Variants in CADM2 observed in about 807,000 individuals in gnomAD.
CADM2 encodes cell adhesion molecule 2.
CADM2 carries 12 observed loss-of-function variants against 49.8 expected under a neutral mutation model. The ratio of observed to expected loss-of-function variants is 0.24; its 90% CI spans 0.15 to 0.39. The LOEUF (loss-of-function observed/expected upper bound fraction) is 0.39, where lower values mean the gene tolerates loss of function less well. CADM2 is among the 10% of genes least tolerant of loss of function. The pLI, the probability that CADM2 is intolerant of heterozygous loss-of-function variation, is 1.00. For missense variants in CADM2, 378 were observed against 492.3 expected (o/e 0.77, Z 2.20); for synonymous variants, 214 against 175.4 (o/e 1.22, Z -1.74).
intron 1 of CADM2, among the ~76,000 whole-genome samples, chr3:85,360,994 C>A (rs1345899819): frequency 2.0e-5 from 3 of 152,170 alleles, no homozygotes; most frequent in African/African-American, 7.2e-5. Context: ...CCCCAGCATA[C>A]AGTCTATCAT....
At chr3:85,977,724 C>T (rs536714706) in intron 8 of CADM2, among the ~76,000 whole-genome samples, 1 of 151,466 alleles carries the variant, frequency 6.6e-6, no homozygotes, top group Non-Finnish European at 1.5e-5. Context: ...AATGGTAGAT[C>T]GCACTCCAGG....
intron 6 of CADM2, among the ~76,000 whole-genome samples, chr3:85,915,648 A>G (rs1718193740): frequency 6.6e-6 from 1 of 152,132 alleles, no homozygotes; most frequent in Non-Finnish European, 1.5e-5. Context: ...TCTAGATTAT[A>G]TAGAACTTTC....
intron 2 of CADM2, among the ~76,000 whole-genome samples, chr3:85,746,188 G>T (rs2068613508): frequency 6.6e-6 from 1 of 152,138 alleles, no homozygotes; most frequent in African/African-American, 2.4e-5. Flanking sequence ...TGGCAATCCA[G>T]TAATAACATC....
chr3:85,852,746 TATC>T (rs2075157589), intron 3 of CADM2, among the ~76,000 whole-genome samples: 1 of 152,110 alleles, frequency 6.6e-6, no homozygotes, highest in African/African-American at 2.4e-5. Flanking sequence ...AAAATTTAAT[TATC>T]ATCATACTTT....
At chr3:85,389,851 A>C (rs1404865867) in intron 1 of CADM2, among the ~76,000 whole-genome samples, 1 of 152,130 alleles carries the variant, frequency 6.6e-6, no homozygotes, top group Admixed American at 6.6e-5. Context: ...GTACGTTGAC[A>C]ATAAATGCTT....
chr3:85,485,324 C>T (rs558409793), intron 1 of CADM2, among the ~76,000 whole-genome samples: 1 of 151,870 alleles, frequency 6.6e-6, no homozygotes, highest in Non-Finnish European at 1.5e-5. Flanking sequence ...GATATTCTGA[C>T]CCTCTAACAC....
chr3:85,291,863 G>A (rs1188848486), intron 1 of CADM2, among the ~76,000 whole-genome samples: 1 of 149,540 alleles, frequency 6.7e-6, no homozygotes, highest in South Asian at 2.1e-4. Context: ...ATCGAGACTA[G>A]GAAGAAACTG....
At chr3:86,063,116 A>G (rs1445584824) in intron 8 of CADM2, among the ~76,000 whole-genome samples, 1 of 152,128 alleles carries the variant, frequency 6.6e-6, no homozygotes, top group African/African-American at 2.4e-5. Context: ...CTTTACACAA[A>G]CCACTACCAC....
intron 3 of CADM2, among the ~76,000 whole-genome samples, chr3:85,855,067 T>A (rs2075256031): frequency 6.6e-6 from 1 of 152,110 alleles, no homozygotes; most frequent in African/African-American, 2.4e-5. Flanking sequence ...CAAGAGATTT[T>A]CAACTGATTT....
At chr3:85,672,256 G>GCA (rs1559583826) in intron 1 of CADM2, among the ~76,000 whole-genome samples, 1 of 139,612 alleles carries the variant, frequency 7.2e-6, no homozygotes, top group African/African-American at 2.6e-5. Context: ...GCAGTGGCAT[G>GCA]ATCTCTGCTC....
chr3:85,315,488 A>G (rs1192441451), intron 1 of CADM2, among the ~76,000 whole-genome samples: 1 of 152,194 alleles, frequency 6.6e-6, no homozygotes, highest in Non-Finnish European at 1.5e-5. Flanking sequence ...ATAGCAAAGT[A>G]TATGGTTTAA....
In CADM2 at chr3:85,802,245, A is replaced by G. The variant is rs1319710220; in HGVS notation, c.238+49A>G. On this transcript the variant is annotated intron_variant, in intron 3 of 9. Coordinates refer to ENST00000383699, the MANE Select transcript of CADM2 (RefSeq NM_001167675.2). ...TTTTAATCGTATTCTAAAATATCCT[A>G]ATTACAATAAATTTATTTTTCTGAG... is the stretch of plus-strand genomic sequence containing the variant. 2.0e-6 allele frequency: 3 copies of G among 1,463,484 alleles called. No homozygotes were observed. The Admixed American group carries it at 6.2e-5, about 30-fold the overall frequency. 90.7% of individuals were successfully genotyped at this position (1,463,484 alleles called of 1,614,324 possible).
At chr3:85,691,951 A>T (rs1417563254) in intron 1 of CADM2, among the ~76,000 whole-genome samples, 1 of 152,172 alleles carries the variant, frequency 6.6e-6, no homozygotes, top group East Asian at 1.9e-4. Flanking sequence ...CAGGAAGGGG[A>T]ACATCACACA....
intron 1 of CADM2, among the ~76,000 whole-genome samples, chr3:85,024,887 G>T (rs898749686): frequency 2.0e-5 from 3 of 151,760 alleles, no homozygotes; most frequent in African/African-American, 7.3e-5. Flanking sequence ...TTAAATTAAA[G>T]AAGCTTCTTA....
intron 1 of CADM2, among the ~76,000 whole-genome samples, chr3:85,518,840 T>G (rs889709467): frequency 6.6e-6 from 1 of 152,158 alleles, no homozygotes; most frequent in African/African-American, 2.4e-5. Context: ...GATCTTCAAT[T>G]TAGTCACCTC....
chr3:85,290,665 C>G (rs936093177), intron 1 of CADM2, among the ~76,000 whole-genome samples: 1 of 152,284 alleles, frequency 6.6e-6, no homozygotes, highest in Admixed American at 6.5e-5. Context: ...GGAGGCACCC[C>G]CAGCAGGGGC....
intron 1 of CADM2, among the ~76,000 whole-genome samples, chr3:85,324,882 C>A (rs576103125): frequency 6.6e-6 from 1 of 152,346 alleles, no homozygotes; most frequent in African/African-American, 2.4e-5. Context: ...GTGTCATAGT[C>A]TCATTCTCCA....
chr3:85,963,173 G>A (rs1465615559), intron 8 of CADM2, among the ~76,000 whole-genome samples: 1 of 151,836 alleles, frequency 6.6e-6, no homozygotes, highest in Non-Finnish European at 1.5e-5. Context: ...ATACTGCTTT[G>A]CTATGGTAAG....
chr3:85,734,230 C>G (rs2068043491), intron 2 of CADM2, among the ~76,000 whole-genome samples: 1 of 151,988 alleles, frequency 6.6e-6, no homozygotes, highest in Non-Finnish European at 1.5e-5. Context: ...AGGGTCTGTT[C>G]AATTATTGAT....
Sources: gnomAD v4.1 joint callset for allele counts (sites outside exome capture counted in the v4.1 genomes callset) on GRCh38, gnomAD v4.1.1 for gene constraint, MANE v1.5 for transcripts, NCBI Gene and HGNC (gene_info 2026-07-23, HGNC 2026-07-21) for gene names.